ATP11A: variants seen among roughly 807,000 people sequenced by gnomAD.
ATP11A encodes the protein ATPase phospholipid transporting 11A, also known as phospholipid-transporting ATPase IH.
In ATP11A, 81 loss-of-function variants were observed where a neutral mutation model predicts 154.4. That is an observed-to-expected ratio of 0.52 (90% CI 0.44 to 0.63). ATP11A has a LOEUF of 0.63. Ranked by LOEUF, ATP11A falls within the 30% of genes least tolerant of loss-of-function variation. ATP11A has a pLI of 0.00. For missense variants in ATP11A, 1,316 were observed against 1,474.3 expected (o/e 0.89, Z 1.76); for synonymous variants, 623 against 585.9 (o/e 1.06, Z -0.91).
In ATP11A at chr13:112,854,340, G is replaced by A. The variant is rs779136922; in HGVS notation, c.2053G>A (p.Val685Ile). Reference protein sequence around the residue: ...ALQKAGIKVWVLTGDKMETAA... With the variant: ...ALQKAGIKVWILTGDKMETAA... The stretch of plus-strand genomic sequence containing the variant: ...GCAGAAGGCCGGGATCAAAGTCTGG[G>A]TTCTCACGGGAGACAAGATGGAGAC... Residue 685 changes from valine to isoleucine, a missense_variant, in exon 19 of 30, where the codon GTT becomes ATT. Transcript: ENST00000375645. The A allele has an allele frequency of 4.3e-6, 7 of 1,614,032 alleles. No homozygotes were observed. Among genetic ancestry groups the A allele is most frequent in the East Asian group, 4.5e-5 (2 of 44,890 alleles).
At position 112,690,540 on chromosome 13, in the gene ATP11A, A is replaced by G. The variant is rs1885031863; in HGVS notation, c.39+85A>G. 2.5e-6 allele frequency: 3 copies of G among 1,214,576 alleles called. No homozygotes were observed. In the African/African-American group the frequency reaches 4.7e-5, roughly 19 times the overall value. The allele number at this position is 1,214,576 out of a possible 1,614,324, so 75.2% of individuals were successfully genotyped here. ...GCAGCCCGGACCCTGTGGCCGGTCC[A>G]GCCCCGGGGTCCCGGGAGGTCTCCG... On this transcript the variant is annotated intron_variant, in intron 1 of 29. Coordinates refer to ENST00000375645, the MANE Select transcript of ATP11A (RefSeq NM_015205.3). The surrounding 1 kb of genome is among the most constrained non-coding windows in gnomAD (Gnocchi z 5.6).
intron 1 of ATP11A, among the ~76,000 whole-genome samples, chr13:112,771,055 T>C (rs901474077): frequency 6.6e-6 from 1 of 152,216 alleles, no homozygotes. Flanking sequence ...AGCTGAAATG[T>C]GAAACTTCCA....
intron 20 of ATP11A, 47 bp from the exon 21 acceptor site, chr13:112,857,771 C>A (rs757081586): frequency 6.8e-7 from 1 of 1,480,608 alleles, no homozygotes; most frequent in South Asian, 1.1e-5. Flanking sequence ...ATAACCTGTT[C>A]AGAAGTGAAA....
chr13:112,733,870 T>A (rs1275606576), intron 1 of ATP11A, among the ~76,000 whole-genome samples: 1 of 152,204 alleles, frequency 6.6e-6, no homozygotes, highest in Non-Finnish European at 1.5e-5. Flanking sequence ...TCTGACTCAA[T>A]TCTGTGATTC....
At chr13:112,782,251 G>A (rs1183377767) in intron 1 of ATP11A, among the ~76,000 whole-genome samples, 1 of 152,184 alleles carries the variant, frequency 6.6e-6, no homozygotes, top group Non-Finnish European at 1.5e-5. Context: ...GGCTGGAAGC[G>A]GCCGGGAAGC....
chr13:112,751,963 ATCT>A (rs1487495159), intron 1 of ATP11A, among the ~76,000 whole-genome samples: 1 of 152,196 alleles, frequency 6.6e-6, no homozygotes, highest in East Asian at 1.9e-4. Flanking sequence ...ATGTCATTGC[ATCT>A]TTGTAAATAA....
At chr13:112,705,305 C>T (rs1887009156) in intron 1 of ATP11A, among the ~76,000 whole-genome samples, 1 of 136,322 alleles carries the variant, frequency 7.3e-6, no homozygotes, top group South Asian at 2.1e-4. Context: ...AGGCCCTCGG[C>T]AGCGAATGAC....
At chr13:112,784,391 A>G (rs535701382) in intron 1 of ATP11A, among the ~76,000 whole-genome samples, 27 of 152,272 alleles carry the variant, frequency 1.8e-4, no homozygotes, top group African/African-American at 6.0e-4. Flanking sequence ...CCGGTGTCCA[A>G]GCCCCACCTC....
intron 12 of ATP11A, among the ~76,000 whole-genome samples, chr13:112,827,274 G>T (rs2078957882): frequency 6.6e-6 from 1 of 152,254 alleles, no homozygotes; most frequent in African/African-American, 2.4e-5. Flanking sequence ...CAGATTTTCA[G>T]TGACTTGGTG....
chr13:112,748,950 C>T (rs1369144168), intron 1 of ATP11A, among the ~76,000 whole-genome samples: 1 of 152,220 alleles, frequency 6.6e-6, no homozygotes, highest in Non-Finnish European at 1.5e-5. Flanking sequence ...CTATGTGCCT[C>T]ACCTCTTCCA....
At chr13:112,818,732 C>G (rs944127646) in intron 6 of ATP11A, among the ~76,000 whole-genome samples, 6 of 152,222 alleles carry the variant, frequency 3.9e-5, no homozygotes, top group Non-Finnish European at 7.3e-5. Context: ...CAGGCCCTCC[C>G]TAGACCCACT....
At position 112,785,904 on chromosome 13, in the gene ATP11A, T is replaced by C. The variant is rs282623; in HGVS notation, c.162+647T>C. Among the ~76,000 whole-genome samples, 61,880 of 138,676 alleles carry C rather than the reference T, an allele frequency of 0.45. 14,428 individuals carry two copies. Among genetic ancestry groups the C allele is most frequent in the Middle Eastern group, 0.59 (146 of 248 alleles). The allele number at this position is 138,676 out of a possible 152,430, so 91.0% of individuals were successfully genotyped here. A position where few individuals can be genotyped will look rare whatever the true frequency, so the allele number is the denominator to read the frequency against. Reference sequence around the variant, plus strand: ...CTGCCATTAAACATGGGGTAAACTGTGCTTTCCAGGTAATGCGGAACGCAC... The same window carrying C: ...CTGCCATTAAACATGGGGTAAACTGCGCTTTCCAGGTAATGCGGAACGCAC... On this transcript the variant is annotated intron_variant, in intron 2 of 29. Coordinates refer to ENST00000375645, the MANE Select transcript of ATP11A (RefSeq NM_015205.3). This position sits in a 1 kb window ranked among gnomAD's most constrained non-coding sequence, Gnocchi z 4.8.
At chr13:112,881,848 A>G (rs1280817570) in intron 29 of ATP11A, 28 bp from the exon 30 acceptor site, 1 of 1,367,710 alleles carries the variant, frequency 7.3e-7, no homozygotes. Flanking sequence ...ACCGCGACTC[A>G]GAATTCACCC....
chr13:112,719,848 G>T lies in ATP11A; in HGVS notation c.39+29393G>T, dbSNP rs559685397. Among the ~76,000 whole-genome samples, 3 of 152,302 alleles carry T rather than the reference G, an allele frequency of 2.0e-5. No homozygotes were observed. In the South Asian group the frequency reaches 6.2e-4, roughly 32 times the overall value. The stretch of plus-strand genomic sequence containing the variant: ...ACTCCATTCCTGTTTGGTCTGGTCT[G>T]TTGGGGCCTAGTGCTGGAGCTCAGT... On this transcript the variant is annotated intron_variant, in intron 1 of 29. Coordinates refer to ENST00000375645, the MANE Select transcript of ATP11A (RefSeq NM_015205.3).
chr13:112,876,018 A>G, intron 28 of ATP11A, 77 bp downstream of exon 28: 3 of 1,503,676 alleles, frequency 2.0e-6, no homozygotes, highest in Non-Finnish European at 2.7e-6. Context: ...GTTTTGAAAG[A>G]CAGTGTGAAA....
intron 2 of ATP11A, among the ~76,000 whole-genome samples, chr13:112,799,930 A>C (rs1450844327): frequency 6.6e-6 from 1 of 152,254 alleles, no homozygotes; most frequent in Non-Finnish European, 1.5e-5. Flanking sequence ...TAAACAAAAC[A>C]CTACTAAATA....
chr13:112,700,229 C>T (rs1380229024), intron 1 of ATP11A, among the ~76,000 whole-genome samples: 1 of 152,160 alleles, frequency 6.6e-6, no homozygotes, highest in Non-Finnish European at 1.5e-5. Context: ...ATGTGAAGAG[C>T]GTGCAGCCTG....
Position 112,703,564 on chromosome 13 carries a change from G to A in ATP11A, c.39+13109G>A, listed in dbSNP as rs957482325. ...TTGCTTTATGAAATAGATGACAGAA[G>A]CATGTTCCACGAAGTCTGGAAAGAC... On this transcript the variant is annotated intron_variant, in intron 1 of 29. Transcript: ENST00000375645. Among the ~76,000 whole-genome samples, 12 of 152,308 alleles carry A rather than the reference G, an allele frequency of 7.9e-5. 1 individual carries two copies. The highest frequency in any genetic ancestry group is 2.9e-4 in the African/African-American group (12 of 41,572).
At chr13:112,879,060 G>A (rs559206954) in intron 29 of ATP11A, among the ~76,000 whole-genome samples, 24 of 152,332 alleles carry the variant, frequency 1.6e-4, no homozygotes, top group African/African-American at 4.8e-4. Context: ...GATAAGAGCC[G>A]AGATTGCAGG....
Sources: gnomAD v4.1 joint callset for allele counts (sites outside exome capture counted in the v4.1 genomes callset) on GRCh38, gnomAD v4.1.1 for gene constraint, Gnocchi (gnomAD v3.1) non-coding constraint, MANE v1.5 for transcripts, NCBI Gene and HGNC (gene_info 2026-07-23, HGNC 2026-07-21) for gene names.